Variants in ANKFN1 observed in about 807,000 individuals in gnomAD.
ANKFN1 encodes the protein ankyrin repeat and fibronectin type-III domain-containing protein 1.
ANKFN1 carries 74 observed loss-of-function variants against 108.7 expected under a neutral mutation model. That is an observed-to-expected ratio of 0.68 (90% CI 0.56 to 0.83). The LOEUF (loss-of-function observed/expected upper bound fraction) is 0.83. Among genes scored for constraint, ANKFN1 ranks in the 40% least tolerant of loss-of-function variants. ANKFN1 has a pLI of 0.00. For synonymous variants in ANKFN1, 547 were observed against 516.2 expected, an observed-to-expected ratio of 1.06 and a Z score of -0.81; for missense variants, 1,505 against 1,382.3, an observed-to-expected ratio of 1.09 and a Z score of -1.41.
At chr17:56,500,374 A>G (rs925601609) in intron 20 of ANKFN1, among the ~76,000 whole-genome samples, 1 of 147,414 alleles carries the variant, frequency 6.8e-6, no homozygotes, top group African/African-American at 2.4e-5. Flanking sequence ...TACATTACCA[A>G]AGGAGTCTAT....
At chr17:56,509,462 T>G (rs1447810976) in intron 20 of ANKFN1, among the ~76,000 whole-genome samples, 2 of 152,196 alleles carry the variant, frequency 1.3e-5, no homozygotes, top group African/African-American at 2.4e-5. Context: ...CTAAGCCAGG[T>G]CCCTTTATGT....
intron 1 of ANKFN1, among the ~76,000 whole-genome samples, chr17:56,200,981 C>T (rs931038547): frequency 6.6e-5 from 10 of 152,190 alleles, no homozygotes; most frequent in Non-Finnish European, 1.2e-4. Flanking sequence ...TTGCATCTCT[C>T]CAGAATAGCC....
chr17:56,083,683 TCAGCAGAAACCGGCATCCAA>T (rs1442346662), intron 4 of ANKFN1, among the ~76,000 whole-genome samples: 1 of 151,300 alleles, frequency 6.6e-6, no homozygotes, highest in Non-Finnish European at 1.5e-5. Flanking sequence ...TGTCCAGTAC[TCAGCAGAAACCGGCATCCAA>T]CAGCAGAAAC....
chr17:56,317,207 T>A (rs534369680), intron 3 of ANKFN1, among the ~76,000 whole-genome samples: 2 of 152,306 alleles, frequency 1.3e-5, no homozygotes, highest in East Asian at 3.9e-4. Flanking sequence ...TCATCTAGCA[T>A]GACCCCCTCA....
intron 3 of ANKFN1, among the ~76,000 whole-genome samples, chr17:56,299,723 G>A (rs2044619807): frequency 1.3e-5 from 2 of 152,264 alleles, no homozygotes; most frequent in South Asian, 4.1e-4. Context: ...GTTGCAGTGA[G>A]CATTAAATGA....
At chr17:56,418,535 C>G (rs9899359) in intron 8 of ANKFN1, among the ~76,000 whole-genome samples, 120,539 of 152,034 alleles carry the variant, frequency 0.79, 48,042 homozygotes, top group East Asian at 0.96. Flanking sequence ...TAAAAAGCTA[C>G]AATAAAATCA....
chr17:56,358,232 A>T (rs1157645769), intron 6 of ANKFN1, among the ~76,000 whole-genome samples: 1 of 152,132 alleles, frequency 6.6e-6, no homozygotes, highest in Admixed American at 6.6e-5. Context: ...TATTCTTTTC[A>T]CTATGCCAAC....
At chr17:56,251,032 T>TAAC (rs1269183813) in intron 3 of ANKFN1, among the ~76,000 whole-genome samples, 1 of 152,210 alleles carries the variant, frequency 6.6e-6, no homozygotes, top group Non-Finnish European at 1.5e-5. Context: ...TGGTTTCCTT[T>TAAC]AACATGAGAG....
At chr17:56,310,415 A>G (rs1191643396) in intron 3 of ANKFN1, among the ~76,000 whole-genome samples, 5 of 152,162 alleles carry the variant, frequency 3.3e-5, no homozygotes, top group African/African-American at 4.8e-5. Flanking sequence ...CAGGAGATCG[A>G]GACCATCCTG....
chr17:56,297,686 G>A (rs1161766193), intron 3 of ANKFN1, among the ~76,000 whole-genome samples: 1 of 152,172 alleles, frequency 6.6e-6, no homozygotes, highest in Non-Finnish European at 1.5e-5. Flanking sequence ...GATGGTGTGA[G>A]TGTTGTGATC....
chr17:56,458,032 A>G lies in ANKFN1; in HGVS notation c.1557+53A>G. 2.0e-6 allele frequency: 3 copies of G among 1,465,784 alleles called. No individual in the cohort carries two copies. In the South Asian group the frequency reaches 3.5e-5, roughly 17 times the overall value. The allele number at this position is 1,465,784 out of a possible 1,614,324, so 90.8% of individuals were successfully genotyped here. A position where few individuals can be genotyped will look rare whatever the true frequency, so the allele number is the denominator to read the frequency against. On this transcript the variant is annotated intron_variant, in intron 14 of 20. Coordinates refer to ENST00000682825, the MANE Select transcript of ANKFN1 (RefSeq NM_001370326.1). ...CCCAAGGAAAATATTTTTAATGTAGAAAATTCAGTTACCAGTCCTACCTAG... is the reference window on the plus strand; with the variant it reads ...CCCAAGGAAAATATTTTTAATGTAGGAAATTCAGTTACCAGTCCTACCTAG...
intron 4 of ANKFN1, among the ~76,000 whole-genome samples, chr17:56,139,933 G>A (rs1391896342): frequency 6.6e-6 from 1 of 152,172 alleles, no homozygotes; most frequent in African/African-American, 2.4e-5. Context: ...TTGAAACAAA[G>A]TTCAGTCCTT....
chr17:56,196,672 T>C (rs960485963), intron 1 of ANKFN1, among the ~76,000 whole-genome samples: 2 of 152,096 alleles, frequency 1.3e-5, no homozygotes, highest in Non-Finnish European at 2.9e-5. Flanking sequence ...GGCCAGGAGT[T>C]TGAGGTTGCA....
At position 56,141,107 on chromosome 17, in the gene ANKFN1, C is replaced by G. The variant is rs1390398820; in HGVS notation, c.289-86810C>G. On this transcript the variant is annotated intron_variant, in intron 4 of 12. Coordinates refer to the ANKFN1 transcript ENST00000635860. ...CATCTCTGCTTTATTTCTAAACCTC[C>G]CCTCACTGATCTTCTCCAGGGGCTT... Among the ~76,000 whole-genome samples, 13 of 152,300 alleles carry G rather than the reference C, an allele frequency of 8.5e-5. 1 individual carries two copies. The East Asian group carries it at 2.1e-3, about 25-fold the overall frequency.
At chr17:56,144,156 G>GA (rs59884444) in intron 4 of ANKFN1, among the ~76,000 whole-genome samples, 630 of 40,550 alleles carry the variant, frequency 0.016, 78 homozygotes, top group Middle Eastern at 0.023. Context: ...AGGCGCATCT[G>GA]AAAAAAAAAA....
intron 10 of ANKFN1, 21 bp from the exon 11 acceptor site, chr17:56,449,058 T>C: frequency 6.2e-7 from 1 of 1,604,298 alleles, no homozygotes; most frequent in Non-Finnish European, 8.5e-7. Flanking sequence ...TTTCACTATG[T>C]TTATTTCTTT....
intron 3 of ANKFN1, among the ~76,000 whole-genome samples, chr17:56,245,138 T>C (rs56824853): frequency 0.034 from 5,114 of 152,214 alleles, 266 homozygotes; most frequent in African/African-American, 0.11. Context: ...CTGTGTGTCA[T>C]TCTGGAAAAT....
At chr17:56,174,253 A>G in intron 1 of ANKFN1, 1 of 985,534 alleles carries the variant, frequency 1.0e-6, no homozygotes, top group Admixed American at 6.1e-5. Context: ...TTGTGAGCCC[A>G]CTCAGCCCTC....
chr17:56,206,561 G>C (rs1210406977), intron 1 of ANKFN1: 1 of 152,176 alleles, frequency 6.6e-6, no homozygotes, highest in Non-Finnish European at 1.5e-5. Flanking sequence ...ATCAGCTATG[G>C]ATCACAGTGT....
Sources: allele counts gnomAD v4.1 joint callset (sites outside exome capture counted in the v4.1 genomes callset), GRCh38; gene constraint gnomAD v4.1.1; transcripts MANE v1.5; gene names NCBI Gene and HGNC (gene_info 2026-07-23, HGNC 2026-07-21).